Variants in SHANK2 observed in about 807,000 individuals in gnomAD.
SHANK2 encodes the protein SH3 and multiple ankyrin repeat domains protein 2.
In SHANK2, 43 loss-of-function variants were observed where a neutral mutation model predicts 133.7. The observed-to-expected ratio is 0.32, with a 90% CI of 0.25 to 0.41. The LOEUF (loss-of-function observed/expected upper bound fraction) is 0.41. Ranked by LOEUF, SHANK2 falls within the 10% of genes least tolerant of loss-of-function variation. The pLI is 1.00. For synonymous variants in SHANK2, 1,017 were observed against 952.8 expected (o/e 1.07, Z -1.24); for missense variants, 1,994 against 2,235.8 (o/e 0.89, Z 2.18).
rs7925508 is a variant in SHANK2 at position 70,490,862 on chromosome 11, C to A, written c.2440-475G>T. On this transcript the variant is annotated intron_variant, in intron 22 of 25. Coordinates refer to ENST00000601538, the MANE Select transcript of SHANK2 (RefSeq NM_012309.5). ...TCTTTCATAAAATGGGCTCCTGACA[C>A]CAGCCCCACAGTGTGTGCAAAGGCC... Among the ~76,000 whole-genome samples the A allele has an allele frequency of 1.5e-3, 223 of 152,354 alleles. 2 individuals are homozygous for A. Among genetic ancestry groups the A allele is most frequent in the African/African-American group, 4.9e-3 (203 of 41,588 alleles).
At chr11:70,644,912 A>C (rs570530855) in intron 17 of SHANK2, among the ~76,000 whole-genome samples, 1 of 152,336 alleles carries the variant, frequency 6.6e-6, no homozygotes, top group South Asian at 2.1e-4. Flanking sequence ...ATGAACAAGC[A>C]GGAAATTCAT....
intron 17 of SHANK2, among the ~76,000 whole-genome samples, chr11:70,606,380 C>T (rs2060576779): frequency 6.6e-6 from 1 of 151,696 alleles, no homozygotes; most frequent in African/African-American, 2.4e-5. Flanking sequence ...AGCAAGATCC[C>T]ATCTCTACAA....
intron 10 of SHANK2, among the ~76,000 whole-genome samples, chr11:70,918,811 T>C (rs935628539): frequency 1.4e-4 from 21 of 152,196 alleles, no homozygotes; most frequent in Admixed American, 5.9e-4. Flanking sequence ...CCAGCCTTAA[T>C]TGACTTTTTA....
rs1399686362 is a variant in SHANK2, at chr11:70,469,562, CAA to C, written c.*3305_*3306del. ...ATAAAGTCTAAAAAGAATAAAAGCA[CAA>C]AAGTAACAGCAACATAGATAATGCG... On this transcript the variant is annotated 3_prime_UTR_variant, in exon 26 of 26. Coordinates refer to ENST00000601538, the MANE Select transcript of SHANK2 (RefSeq NM_012309.5). 6.8e-6 allele frequency: 1 copy of C among 147,210 alleles called. No homozygotes were observed. Among genetic ancestry groups the C allele is most frequent in the Non-Finnish European group, 1.5e-5 (1 of 66,924 alleles). 9.1% of individuals were successfully genotyped at this position (147,210 alleles called of 1,614,324 possible).
At chr11:70,474,992 A>C (rs2058644796) in intron 25 of SHANK2, 2 of 152,558 alleles carry the variant, frequency 1.3e-5, no homozygotes, top group Non-Finnish European at 2.9e-5. Context: ...GCAGTGTCTC[A>C]GTGAAAGGGT....
chr11:70,755,506 G>A (rs1466491901), intron 14 of SHANK2, among the ~76,000 whole-genome samples: 1 of 152,240 alleles, frequency 6.6e-6, no homozygotes, highest in South Asian at 2.1e-4. Flanking sequence ...CTGGTGCCCT[G>A]TGGGCACCCG....
chr11:71,162,613 T>A (rs1240815192), intron 2 of SHANK2, among the ~76,000 whole-genome samples: 2 of 152,186 alleles, frequency 1.3e-5, no homozygotes, highest in African/African-American at 4.8e-5. Context: ...TGGGGAAATG[T>A]CAATTGCAAA....
In SHANK2 at chr11:70,651,505, A is replaced by G. The variant is rs868961303; in HGVS notation, c.2061+8323T>C. Among the ~76,000 whole-genome samples the G allele has an allele frequency of 3.2e-4, 49 of 152,346 alleles. No homozygotes were observed. In the Middle Eastern group the frequency reaches 0.01, roughly 32 times the overall value. On this transcript the variant is annotated intron_variant, in intron 17 of 25. Coordinates refer to ENST00000601538, the MANE Select transcript of SHANK2 (RefSeq NM_012309.5). ...AGAGCAGTGGCCTCTGTCTGGGAGA[A>G]GAAAGACCACAGTGCATTAAGCCTC...
At chr11:70,672,782 G>A (rs1218651830) in intron 15 of SHANK2, among the ~76,000 whole-genome samples, 3 of 152,348 alleles carry the variant, frequency 2.0e-5, no homozygotes, top group East Asian at 3.9e-4. Context: ...AAGGCAGGAC[G>A]GTTCTGCCCA....
In SHANK2 at chr11:71,118,802, G is replaced by T. The variant is rs115975871; in HGVS notation, c.411+27C>A. 3.3e-6 allele frequency: 5 copies of T among 1,522,198 alleles called. No homozygotes were observed. The East Asian group carries it at 1.2e-4, about 37-fold the overall frequency. 94.3% of individuals were successfully genotyped at this position (1,522,198 alleles called of 1,614,324 possible). ...GCATCCAGGCTGTGACACAACCACA[G>T]TCCATGCACTGTGGGCTGAAATATA... On this transcript the variant is annotated intron_variant, in intron 4 of 25. Transcript: ENST00000601538.
intron 2 of SHANK2, among the ~76,000 whole-genome samples, chr11:71,172,987 G>A (rs1442233786): frequency 6.6e-6 from 1 of 152,244 alleles, no homozygotes; most frequent in Non-Finnish European, 1.5e-5. Context: ...GGGCCATTGG[G>A]CTGCTGGAGG....
At chr11:71,190,758 C>A (rs1278902184) in intron 2 of SHANK2, among the ~76,000 whole-genome samples, 4 of 152,182 alleles carry the variant, frequency 2.6e-5, no homozygotes, top group Non-Finnish European at 5.9e-5. Context: ...AGCCGAGTCC[C>A]AATCCCACGG....
intron 10 of SHANK2, among the ~76,000 whole-genome samples, chr11:70,909,052 A>G (rs2135716281): frequency 6.6e-6 from 1 of 152,384 alleles, no homozygotes; most frequent in South Asian, 2.1e-4. Context: ...TTTAACAAAC[A>G]CACAAAAGAA....
chr11:70,815,543 A>C (rs1948375275), intron 12 of SHANK2, among the ~76,000 whole-genome samples: 1 of 151,998 alleles, frequency 6.6e-6, no homozygotes, highest in Non-Finnish European at 1.5e-5. Context: ...TTACACCATC[A>C]CTGCAACACC....
chr11:70,886,966 A>C (rs529923447), intron 11 of SHANK2, among the ~76,000 whole-genome samples: 3 of 152,088 alleles, frequency 2.0e-5, no homozygotes, highest in African/African-American at 7.2e-5. Flanking sequence ...ATGAAAACAA[A>C]CCTTGTTCGG....
intron 9 of SHANK2, among the ~76,000 whole-genome samples, chr11:71,059,896 C>T (rs1046092197): frequency 4.6e-5 from 7 of 152,238 alleles, no homozygotes; most frequent in African/African-American, 1.7e-4. Context: ...CCACTGAGGC[C>T]GCCTCTGTAC....
chr11:70,809,493 C>G (rs566382081), intron 12 of SHANK2, among the ~76,000 whole-genome samples: 1 of 152,240 alleles, frequency 6.6e-6, no homozygotes, highest in South Asian at 2.1e-4. Context: ...CTGATAATTG[C>G]CTTATAGTTT....
chr11:70,871,945 T>C (rs554639968), intron 11 of SHANK2, among the ~76,000 whole-genome samples: 31 of 152,340 alleles, frequency 2.0e-4, no homozygotes, highest in African/African-American at 7.5e-4. Flanking sequence ...CCCAGCATTA[T>C]TCTTGGATTA....
At chr11:71,087,907 G>A in intron 8 of SHANK2, among the ~76,000 whole-genome samples, 2 of 152,294 alleles carry the variant, frequency 1.3e-5, no homozygotes, top group South Asian at 4.1e-4. Flanking sequence ...GGGATTACAG[G>A]CGTGAGCCAC....
Sources: allele counts gnomAD v4.1 joint callset (sites outside exome capture counted in the v4.1 genomes callset), GRCh38; gene constraint gnomAD v4.1.1; transcripts MANE v1.5; gene names NCBI Gene and HGNC (gene_info 2026-07-23, HGNC 2026-07-21).